The following BCCIP variants were observed in gnomAD, a reference collection of about 807,000 sequenced individuals.
The protein encoded by BCCIP is BRCA2 and CDKN1A-interacting protein.
Under a neutral mutation model 32.8 loss-of-function variants are expected in BCCIP, and 23 were observed. That is an observed-to-expected ratio of 0.70 (90% confidence interval 0.51 to 0.99). The LOEUF (loss-of-function observed/expected upper bound fraction) is 0.99. Among genes scored for constraint, BCCIP ranks in the 50% least tolerant of loss-of-function variants. BCCIP has a pLI of 0.00. For synonymous variants in BCCIP, 144 were observed against 137.6 expected (o/e 1.05, Z -0.33); for missense variants, 378 against 379.8 (o/e 1.00, Z 0.04).
chr10:125,828,390 T>C (rs997370375), intron 3 of BCCIP, among the ~76,000 whole-genome samples: 1 of 152,116 alleles, frequency 6.6e-6, no homozygotes, highest in African/African-American at 2.4e-5. Flanking sequence ...ACTGAGGTCG[T>C]AGAAGTGATT....
At chr10:125,824,731 T>G (rs1854324478) in intron 1 of BCCIP, among the ~76,000 whole-genome samples, 1 of 99,134 alleles carries the variant, frequency 1.0e-5, no homozygotes, top group African/African-American at 3.6e-5. Flanking sequence ...TATACTCCAC[T>G]TACAGTCAGA....
intron 6 of BCCIP, among the ~76,000 whole-genome samples, chr10:125,834,586 T>A (rs1194822774): frequency 6.6e-6 from 1 of 151,076 alleles, no homozygotes; most frequent in Non-Finnish European, 1.5e-5. Flanking sequence ...GCAGATCACC[T>A]GAGGCCAGAA....
intron 7 of BCCIP, among the ~76,000 whole-genome samples, chr10:125,852,844 T>G (rs905742998): frequency 4.6e-5 from 7 of 152,262 alleles, no homozygotes; most frequent in Non-Finnish European, 8.8e-5. Flanking sequence ...ATTTAAAGGT[T>G]GTCTGCTTTC....
chr10:125,844,295 C>T (rs371044362), downstream of BCCIP, among the ~76,000 whole-genome samples: 6 of 152,300 alleles, frequency 3.9e-5, no homozygotes, highest in South Asian at 1.2e-3. Context: ...TTTCAGAAAC[C>T]AGTTTCTATA....
At chr10:125,848,415 T>G (rs900606819) in intron 7 of BCCIP, among the ~76,000 whole-genome samples, 1 of 152,230 alleles carries the variant, frequency 6.6e-6, no homozygotes, top group African/African-American at 2.4e-5. Flanking sequence ...GGGCAGACAC[T>G]CTACCCTAAT....
chr10:125,829,524 T>A (rs1288105534), intron 3 of BCCIP, among the ~76,000 whole-genome samples: 3 of 152,246 alleles, frequency 2.0e-5, no homozygotes, highest in Admixed American at 6.5e-5. Context: ...GACACTCTTA[T>A]CTGACTTTTA....
At chr10:125,825,568 A>AAGCAATTCCAGGTAG (rs1854371066) in intron 1 of BCCIP, 1 of 152,334 alleles carries the variant, frequency 6.6e-6, no homozygotes, top group South Asian at 2.1e-4. Flanking sequence ...GAATTGCTCT[A>AAGCAATTCCAGGTAG]AGCAATTCCA....
intron 3 of BCCIP, 78 bp from the exon 4 acceptor site, chr10:125,830,483 GC>G (rs1228988926): frequency 5.9e-6 from 5 of 845,420 alleles, no homozygotes; most frequent in Non-Finnish European, 8.8e-6. Context: ...GATAAATGAG[GC>G]CTACATCCCA....
At chr10:125,848,792 T>A (rs959190320) in intron 7 of BCCIP, among the ~76,000 whole-genome samples, 1 of 152,202 alleles carries the variant, frequency 6.6e-6, no homozygotes, top group Non-Finnish European at 1.5e-5. Context: ...TGCTATAGCA[T>A]TTACTATACA....
chr10:125,838,068 TTAG>T (rs1854753288), downstream of BCCIP: 3 of 748,666 alleles, frequency 4.0e-6, no homozygotes, highest in African/African-American at 1.8e-5. Context: ...AGGCCTGCCC[TTAG>T]TAGGTACTGT....
At chr10:125,841,099 G>A, downstream of BCCIP, 1 of 1,412,094 alleles carries the variant, frequency 7.1e-7, no homozygotes, top group South Asian at 1.3e-5. Context: ...CATGGCTCCT[G>A]TCTTGGTACT....
downstream of BCCIP, chr10:125,838,234 T>G: frequency 1.2e-6 from 2 of 1,610,676 alleles, no homozygotes; most frequent in Non-Finnish European, 1.7e-6. Context: ...GAGGTAATCC[T>G]GATGTAGTTG....
In BCCIP at chr10:125,828,217, C is replaced by T. The variant is rs1282163316; in HGVS notation, c.321+579C>T. The stretch of plus-strand genomic sequence containing the variant: ...TGAGAGGAAAAGGAGTCAAGGATGA[C>T]TTCCAGGTTTCTAGCTTGAGCAAAC... On this transcript the variant is annotated intron_variant, in intron 3 of 6. Coordinates refer to ENST00000278100, the MANE Select transcript of BCCIP (RefSeq NM_078468.3). Among the ~76,000 whole-genome samples, 4 of 152,260 alleles carry T rather than the reference C, an allele frequency of 2.6e-5. No individual in the cohort carries two copies. The East Asian group carries it at 7.7e-4, about 29-fold the overall frequency.
At chr10:125,842,921 A>G, downstream of BCCIP, 2 of 393,738 alleles carry the variant, frequency 5.1e-6, no homozygotes, top group Non-Finnish European at 6.9e-6. Context: ...AAAGAAATAT[A>G]TTCTCTTTGT....
intron 3 of BCCIP, among the ~76,000 whole-genome samples, chr10:125,827,915 G>A (rs775309496): frequency 1.4e-5 from 2 of 144,506 alleles, no homozygotes; most frequent in Non-Finnish European, 3.0e-5. Context: ...AGGCCATGGT[G>A]AGCTTTGTGC....
chr10:125,834,804 T>C (rs1441087470), intron 6 of BCCIP, among the ~76,000 whole-genome samples: 4 of 110,938 alleles, frequency 3.6e-5, no homozygotes, highest in African/African-American at 1.4e-4. Context: ...AGGAAGAAAC[T>C]CCGTCTCAAA....
intron 4 of BCCIP, 46 bp from the exon 5 acceptor site, chr10:125,831,374 A>T (rs375856702): frequency 4.4e-6 from 7 of 1,578,494 alleles, no homozygotes; most frequent in Non-Finnish European, 6.1e-6. Context: ...TTTGTCCTCT[A>T]TGTGATGGCT....
At chr10:125,844,138 GA>G (rs1161214807), downstream of BCCIP, among the ~76,000 whole-genome samples, 2 of 152,040 alleles carry the variant, frequency 1.3e-5, no homozygotes, top group Non-Finnish European at 2.9e-5. Context: ...GGGCTATTCA[GA>G]AAAAAAGTTC....
At position 125,848,879 on chromosome 10, in the gene BCCIP, T is replaced by G. The variant is rs78695720; in HGVS notation, c.851-4246T>G. The stretch of plus-strand genomic sequence containing the variant: ...CTCTATGAACCAATTGCTTTGATTA[T>G]CCTCATATTCAGATAAATGAAGTGA... On this transcript the variant is annotated intron_variant, in intron 7 of 7. Transcript: ENST00000368759. Among the ~76,000 whole-genome samples, 493 of 152,318 alleles carry G rather than the reference T, an allele frequency of 3.2e-3. 4 individuals carry two copies. Among genetic ancestry groups the G allele is most frequent in the African/African-American group, 0.011 (458 of 41,566 alleles).
Sources: allele counts gnomAD v4.1 joint callset (sites outside exome capture counted in the v4.1 genomes callset), GRCh38; gene constraint gnomAD v4.1.1; transcripts MANE v1.5; gene names NCBI Gene and HGNC (gene_info 2026-07-23, HGNC 2026-07-21).